The following FHIP2A variants were observed in gnomAD, a reference collection of about 807,000 sequenced individuals.
The protein encoded by FHIP2A is FHF complex subunit HOOK interacting protein 2A, also known as family with sequence similarity 160 member B1.
A neutral mutation model predicts 93.5 loss-of-function variants in FHIP2A; 46 were observed. The observed-to-expected ratio is 0.49, with a 90% CI of 0.39 to 0.63. FHIP2A has a LOEUF of 0.63. FHIP2A is among the 20% of genes least tolerant of loss of function. The pLI is 0.00. For missense variants in FHIP2A, 769 were observed against 909.7 expected (o/e 0.85, Z 1.99); for synonymous variants, 332 against 326.5 (o/e 1.02, Z -0.18).
downstream of FHIP2A, among the ~76,000 whole-genome samples, chr10:114,866,340 C>G (rs989396457): frequency 6.6e-6 from 1 of 152,212 alleles, no homozygotes; most frequent in East Asian, 1.9e-4. Flanking sequence ...TGTATATACA[C>G]TACATTTTCT....
Position 114,848,631 on chromosome 10 carries a change from G to C in FHIP2A, c.1713-16G>C. On this transcript the variant is annotated splice_polypyrimidine_tract_variant and intron_variant, in intron 12 of 16. Coordinates refer to ENST00000369248, the MANE Select transcript of FHIP2A (RefSeq NM_020940.4). ...CAAATGGACATCTTGCATAATTGTG[G>C]CCGTTTTCATTTAAGTTTTCTCTGT... 1 of 1,522,934 alleles carries C rather than the reference G, an allele frequency of 6.6e-7. No homozygotes were observed. The highest frequency in any genetic ancestry group is 9.1e-7 in the Non-Finnish European group (1 of 1,102,454). 94.3% of individuals were successfully genotyped at this position (1,522,934 alleles called of 1,614,324 possible).
chr10:114,843,574 G>C (rs2083682439), intron 6 of FHIP2A, among the ~76,000 whole-genome samples, 167 bp from the exon 7 acceptor site: 1 of 152,110 alleles, frequency 6.6e-6, no homozygotes, highest in Non-Finnish European at 1.5e-5. Flanking sequence ...AAAATGCTGG[G>C]ATTACAGGTG....
At position 114,863,025 on chromosome 10, in the gene FHIP2A, A is replaced by G; in HGVS notation, c.*1485A>G. On this transcript the variant is annotated 3_prime_UTR_variant, in exon 17 of 17. Transcript: ENST00000369248. The stretch of plus-strand genomic sequence containing the variant: ...ATTTCATAGTTTGTTCTTGCTATTT[A>G]TTAAGAACAGAATATCAAAAGATTA... The G allele has an allele frequency of 1.0e-6, 1 of 985,352 alleles. No homozygotes were observed. Among genetic ancestry groups the G allele is most frequent in the Non-Finnish European group, 1.2e-6 (1 of 829,872 alleles). 61.0% of individuals were successfully genotyped at this position (985,352 alleles called of 1,614,324 possible).
At chr10:114,890,401 G>C (rs1438807526) in intron 16 of FHIP2A, among the ~76,000 whole-genome samples, 1 of 151,140 alleles carries the variant, frequency 6.6e-6, no homozygotes, top group East Asian at 1.9e-4. Context: ...AGTCTAACTT[G>C]AGAACCCAGT....
rs535909606 is a variant in FHIP2A, at chr10:114,879,944, C to A, written c.2192+18610C>A. Among the ~76,000 whole-genome samples the A allele has an allele frequency of 5.3e-5, 8 of 152,328 alleles. No homozygotes were observed. In the South Asian group the frequency reaches 1.7e-3, roughly 32 times the overall value. The stretch of plus-strand genomic sequence containing the variant: ...AAATAGCTGGGACTGCAGGTGCACA[C>A]CATCATGCCCAGCTATAAGCCAATA... On this transcript the variant is annotated intron_variant, in intron 16 of 16. Transcript: ENST00000369250.
Position 114,864,609 on chromosome 10 carries a change from C to T in FHIP2A, c.*3069C>T. On this transcript the variant is annotated 3_prime_UTR_variant, in exon 17 of 17. Transcript: ENST00000369248. The stretch of plus-strand genomic sequence containing the variant: ...AACTCTTCAGATGGTCATTGTGTAC[C>T]TACTCTCTCTTCAAAGGAAGTTGTG... The T allele has an allele frequency of 1.0e-6, 1 of 985,746 alleles. No homozygotes were observed. The highest frequency in any genetic ancestry group is 1.2e-6 in the Non-Finnish European group (1 of 829,902). The allele number at this position is 985,746 out of a possible 1,614,324, so 61.1% of individuals were successfully genotyped here.
chr10:114,821,957 C>A lies in FHIP2A; in HGVS notation c.-122C>A, dbSNP rs1003375133. 9 of 499,392 alleles carry A rather than the reference C, an allele frequency of 1.8e-5. No homozygotes were observed. The highest frequency in any genetic ancestry group is 2.8e-5 in the Non-Finnish European group (9 of 327,138). The allele number at this position is 499,392 out of a possible 1,614,324, so 30.9% of individuals were successfully genotyped here. A position where few individuals can be genotyped will look rare whatever the true frequency, so the allele number is the denominator to read the frequency against. On this transcript the variant is annotated 5_prime_UTR_variant, in exon 1 of 17. Transcript: ENST00000369248. The stretch of plus-strand genomic sequence containing the variant: ...GCCCTGCCTCGATCCTCAGCTCGTC[C>A]TCCCCGCCCCGCACCGGCCTTCACT...
In FHIP2A at chr10:114,889,304, G is replaced by A. The variant is rs574617074; in HGVS notation, c.2193-10186G>A. 7.9e-5 allele frequency among the ~76,000 whole-genome samples: 12 copies of A among 152,280 alleles called. No individual in the cohort carries two copies. The East Asian group carries it at 9.7e-4, about 12-fold the overall frequency. ...CATTATAAAAGAAGGCTTGTTCTCC[G>A]CCTCTGCATAATCCTTAGTAAAATA... On this transcript the variant is annotated intron_variant, in intron 16 of 16. Transcript: ENST00000369250.
At chr10:114,822,162 T>C in intron 1 of FHIP2A, 39 bp downstream of exon 1, 1 of 1,238,510 alleles carries the variant, frequency 8.1e-7, no homozygotes, top group Non-Finnish European at 1.0e-6. Flanking sequence ...AGGCCGGGGA[T>C]GGCGGCGGCC....
At chr10:114,870,202 C>T (rs149694845) in intron 16 of FHIP2A, among the ~76,000 whole-genome samples, 1 of 152,262 alleles carries the variant, frequency 6.6e-6, no homozygotes, top group African/African-American at 2.4e-5. Flanking sequence ...CTTCTTCTAA[C>T]AGAGATGCTG....
chr10:114,837,275 G>A (rs1161026946), intron 5 of FHIP2A, among the ~76,000 whole-genome samples: 1 of 152,150 alleles, frequency 6.6e-6, no homozygotes, highest in African/African-American at 2.4e-5. Flanking sequence ...AGCATTTTGG[G>A]AGGCTGGTGC....
downstream of FHIP2A, among the ~76,000 whole-genome samples, chr10:114,865,714 T>C (rs1419793640): frequency 6.6e-6 from 1 of 151,744 alleles, no homozygotes; most frequent in Non-Finnish European, 1.5e-5. Context: ...GCTGGAAAAC[T>C]AGTAATCCCA....
At chr10:114,878,735 G>A (rs539623467) in intron 16 of FHIP2A, among the ~76,000 whole-genome samples, 1 of 148,294 alleles carries the variant, frequency 6.7e-6, no homozygotes, top group South Asian at 2.2e-4. Flanking sequence ...AGCTGAGATT[G>A]TGCCACTGCA....
chr10:114,888,749 C>T (rs1337821848), intron 16 of FHIP2A, among the ~76,000 whole-genome samples: 1 of 152,104 alleles, frequency 6.6e-6, no homozygotes, highest in African/African-American at 2.4e-5. Flanking sequence ...ATTACAATCA[C>T]CCGCCACCAT....
At chr10:114,852,691 A>C (rs191211393) in intron 13 of FHIP2A, among the ~76,000 whole-genome samples, 8 of 152,302 alleles carry the variant, frequency 5.3e-5, no homozygotes, top group African/African-American at 1.7e-4. Flanking sequence ...CTTAGAAGCC[A>C]TTAACAGATT....
rs918209783 is a variant in FHIP2A at position 114,861,759 on chromosome 10, A to G, written c.*219A>G. 2.4e-5 allele frequency: 30 copies of G among 1,238,410 alleles called. No individual in the cohort carries two copies. In the African/African-American group the frequency reaches 3.7e-4, roughly 15 times the overall value. The allele number at this position is 1,238,410 out of a possible 1,614,324, so 76.7% of individuals were successfully genotyped here. On this transcript the variant is annotated 3_prime_UTR_variant, in exon 17 of 17. Transcript: ENST00000369248. ...TTATCATAATGGTTCTATATATACA[A>G]TTGCACATTGTTGAATCCAGGATAC...
chr10:114,860,931 CTG>C, intron 15 of FHIP2A, 42 bp downstream of exon 15: 1 of 1,560,296 alleles, frequency 6.4e-7, no homozygotes, highest in Non-Finnish European at 8.8e-7. Context: ...ATTGATAAAT[CTG>C]TGCAATTAAT....
intron 5 of FHIP2A, among the ~76,000 whole-genome samples, chr10:114,841,061 T>G (rs1464700678): frequency 6.6e-6 from 1 of 152,056 alleles, no homozygotes; most frequent in Non-Finnish European, 1.5e-5. Flanking sequence ...CTCCAGATAT[T>G]CAACAGGTCC....
chr10:114,872,994 A>C (rs1306056732), intron 16 of FHIP2A, among the ~76,000 whole-genome samples: 2 of 152,340 alleles, frequency 1.3e-5, no homozygotes, highest in East Asian at 3.9e-4. Flanking sequence ...GGAATAGCAA[A>C]GGAGGAACAT....
Sources: gnomAD v4.1 joint callset for allele counts (sites outside exome capture counted in the v4.1 genomes callset) on GRCh38, gnomAD v4.1.1 for gene constraint, MANE v1.5 for transcripts, NCBI Gene and HGNC (gene_info 2026-07-23, HGNC 2026-07-21) for gene names.